CNBD1: variants seen among roughly 807,000 people sequenced by gnomAD.
The protein encoded by CNBD1 is cyclic nucleotide binding domain containing 1.
Under a neutral mutation model 54.4 loss-of-function variants are expected in CNBD1, and 71 were observed. The ratio of observed to expected loss-of-function variants is 1.30; its 90% CI spans 1.08 to 1.59. The LOEUF is 1.59. CNBD1 is among the 40% of genes most tolerant of loss of function. The probability of loss-of-function intolerance (pLI) is 0.00; values close to 1 mark genes in which losing one functional copy is unlikely to be tolerated. For missense variants in CNBD1, 659 were observed against 518.0 expected (o/e 1.27, Z -2.64); for synonymous variants, 182 against 170.7 (o/e 1.07, Z -0.51).
At chr8:87,302,648 G>C (rs1484695212) in intron 8 of CNBD1, among the ~76,000 whole-genome samples, 1 of 151,712 alleles carries the variant, frequency 6.6e-6, no homozygotes, top group Non-Finnish European at 1.5e-5. Flanking sequence ...CAATCAGGCA[G>C]GAGAAGGAAA....
intron 4 of CNBD1, among the ~76,000 whole-genome samples, chr8:86,966,991 T>G (rs1808094246): frequency 6.6e-6 from 1 of 152,202 alleles, no homozygotes; most frequent in African/African-American, 2.4e-5. Flanking sequence ...GAGTGCTGAT[T>G]GGTGTATTTA....
chr8:87,109,540 C>CTT (rs35541466), intron 4 of CNBD1, among the ~76,000 whole-genome samples: 5,475 of 107,904 alleles, frequency 0.051, 436 homozygotes, highest in African/African-American at 0.15. Flanking sequence ...TTCTTTCTTT[C>CTT]TTTTTTTTTT....
In CNBD1 at chr8:87,082,787, T is replaced by A. The variant is rs1451399443; in HGVS notation, c.432-123206T>A. On this transcript the variant is annotated intron_variant, in intron 4 of 10. Coordinates refer to ENST00000518476, the MANE Select transcript of CNBD1 (RefSeq NM_173538.3). ...ACCATCTCTTTGGTTGTTTTCAAAATGTTCCATCTGTTTATTCTTTGGTTT... is the reference window on the plus strand; with the variant it reads ...ACCATCTCTTTGGTTGTTTTCAAAAAGTTCCATCTGTTTATTCTTTGGTTT... Among the ~76,000 whole-genome samples the A allele has an allele frequency of 1.3e-5, 2 of 152,174 alleles. 1 individual carries two copies. Among genetic ancestry groups the A allele is most frequent in the Non-Finnish European group, 2.9e-5 (2 of 68,026 alleles).
At chr8:87,001,331 T>G (rs1808988332) in intron 4 of CNBD1, among the ~76,000 whole-genome samples, 2 of 152,286 alleles carry the variant, frequency 1.3e-5, no homozygotes, top group Middle Eastern at 3.4e-3. Flanking sequence ...TCTCCAGTTT[T>G]TTGTGTTATA....
chr8:86,867,875 T>C (rs1487984198), intron 1 of CNBD1, among the ~76,000 whole-genome samples: 2 of 152,174 alleles, frequency 1.3e-5, no homozygotes, highest in Admixed American at 1.3e-4. Flanking sequence ...TGTGAAGTGA[T>C]TAAAAGACGA....
At chr8:87,269,333 A>G (rs1808319860) in intron 6 of CNBD1, among the ~76,000 whole-genome samples, 1 of 152,090 alleles carries the variant, frequency 6.6e-6, no homozygotes, top group African/African-American at 2.4e-5. Flanking sequence ...GCCTTATAGT[A>G]TATTTTGAAG....
chr8:87,028,212 G>A (rs1486042895), intron 4 of CNBD1, among the ~76,000 whole-genome samples: 1 of 152,052 alleles, frequency 6.6e-6, no homozygotes, highest in Non-Finnish European at 1.5e-5. Flanking sequence ...GCCCACAAAG[G>A]ACACACACAC....
At chr8:87,425,603 T>A (rs1303274934) in intron 2 of CNBD1, among the ~76,000 whole-genome samples, 4 of 152,106 alleles carry the variant, frequency 2.6e-5, no homozygotes, top group Non-Finnish European at 5.9e-5. Flanking sequence ...GTGCCCCTGC[T>A]GGAGGGTGCC....
chr8:86,910,910 T>C (rs1586128732), intron 3 of CNBD1, among the ~76,000 whole-genome samples: 1 of 152,058 alleles, frequency 6.6e-6, no homozygotes, highest in East Asian at 1.9e-4. Context: ...CTTGAGGAGG[T>C]GGTGTTTGAT....
chr8:87,118,594 A>G (rs1811825758), intron 4 of CNBD1, among the ~76,000 whole-genome samples: 1 of 152,200 alleles, frequency 6.6e-6, no homozygotes, highest in Non-Finnish European at 1.5e-5. Context: ...TAGCTGGAAT[A>G]CAGTGAACAG....
intron 3 of CNBD1, among the ~76,000 whole-genome samples, chr8:86,938,677 C>T (rs923892278): frequency 2.0e-5 from 3 of 152,168 alleles, no homozygotes; most frequent in African/African-American, 2.4e-5. Flanking sequence ...ATTCCTTTAT[C>T]TCCCACTGGG....
chr8:86,929,567 AAC>A (rs761767708), intron 3 of CNBD1, among the ~76,000 whole-genome samples: 1 of 152,232 alleles, frequency 6.6e-6, no homozygotes, highest in Non-Finnish European at 1.5e-5. Context: ...AAGTCTGGGC[AAC>A]AGTTTGTTGG....
At chr8:87,385,179 C>A (rs1782008570), downstream of CNBD1, among the ~76,000 whole-genome samples, 2 of 152,136 alleles carry the variant, frequency 1.3e-5, no homozygotes, top group Admixed American at 1.3e-4. Context: ...CCAGTCTACA[C>A]CTCCCAGCTT....
intron 4 of CNBD1, among the ~76,000 whole-genome samples, chr8:87,005,225 C>G (rs996267628): frequency 6.6e-6 from 1 of 151,826 alleles, no homozygotes; most frequent in Non-Finnish European, 1.5e-5. Context: ...TAAAAATTAG[C>G]CGGGCACGGT....
At chr8:87,187,904 C>T (rs1187763605) in intron 4 of CNBD1, among the ~76,000 whole-genome samples, 1 of 152,108 alleles carries the variant, frequency 6.6e-6, no homozygotes, top group African/African-American at 2.4e-5. Flanking sequence ...TAATAAAATC[C>T]TTGGATGACT....
At chr8:87,042,111 CT>C (rs1418163549) in intron 4 of CNBD1, among the ~76,000 whole-genome samples, 5 of 152,186 alleles carry the variant, frequency 3.3e-5, no homozygotes, top group Non-Finnish European at 5.9e-5. Context: ...TACTGCTCAA[CT>C]TTTCGGCCTG....
intron 2 of CNBD1, among the ~76,000 whole-genome samples, chr8:87,391,126 T>G (rs1022626383): frequency 6.6e-6 from 1 of 151,876 alleles, no homozygotes; most frequent in South Asian, 2.1e-4. Context: ...AGCATTAGGA[T>G]ATATACCTAA....
At chr8:87,314,074 G>A (rs1404335412) in intron 8 of CNBD1, among the ~76,000 whole-genome samples, 2 of 151,676 alleles carry the variant, frequency 1.3e-5, no homozygotes, top group East Asian at 1.9e-4. Context: ...TACTTGATTT[G>A]ATTACATTTT....
intron 4 of CNBD1, among the ~76,000 whole-genome samples, chr8:87,108,934 A>G (rs1393205350): frequency 6.6e-6 from 1 of 152,208 alleles, no homozygotes; most frequent in Non-Finnish European, 1.5e-5. Flanking sequence ...CTTCGTGAAT[A>G]ACAAAAATAG....
Sources: allele counts gnomAD v4.1 joint callset (sites outside exome capture counted in the v4.1 genomes callset), GRCh38; gene constraint gnomAD v4.1.1; transcripts MANE v1.5; gene names NCBI Gene and HGNC (gene_info 2026-07-23, HGNC 2026-07-21).